Variants in ARHGAP11A observed in about 807,000 individuals in gnomAD.
The protein encoded by ARHGAP11A is Rho GTPase activating protein 11A.
In ARHGAP11A, 36 loss-of-function variants were observed where a neutral mutation model predicts 60.5. The observed-to-expected ratio is 0.59, with a 90% CI of 0.46 to 0.79. The LOEUF is 0.79. ARHGAP11A is among the 30% of genes least tolerant of loss of function. ARHGAP11A has a pLI of 0.00. For synonymous variants in ARHGAP11A, 362 were observed against 415.5 expected (o/e 0.87, Z 1.57); for missense variants, 1,071 against 1,199.2 (o/e 0.89, Z 1.58).
chr15:32,634,994 A>T (rs969257461), intron 10 of ARHGAP11A, among the ~76,000 whole-genome samples: 14 of 152,158 alleles, frequency 9.2e-5, no homozygotes, highest in African/African-American at 3.4e-4. Flanking sequence ...TCTGTAGTTG[A>T]AATTTATCTT....
At chr15:32,633,660 G>A (rs12908251) in intron 9 of ARHGAP11A, among the ~76,000 whole-genome samples, 40,902 of 151,614 alleles carry the variant, frequency 0.27, 5,909 homozygotes, top group Non-Finnish European at 0.35. Flanking sequence ...AAAAAACAAA[G>A]AAAAAAATTC....
intron 8 of ARHGAP11A, among the ~76,000 whole-genome samples, chr15:32,631,572 T>G (rs953659836): frequency 6.6e-6 from 1 of 152,220 alleles, no homozygotes; most frequent in Non-Finnish European, 1.5e-5. Context: ...AGTGCTGGGA[T>G]TACAGGTGTG....
At position 32,615,544 on chromosome 15, in the gene ARHGAP11A, G is replaced by C. The variant is rs1203198415; in HGVS notation, c.-668G>C. On this transcript the variant is annotated 5_prime_UTR_variant, in exon 1 of 12. Coordinates refer to ENST00000361627, the MANE Select transcript of ARHGAP11A (RefSeq NM_014783.6). ...GCTCTGGGTGTCTGCGGAGGAGCTG[G>C]GGGCGGAAGCATGAGGCTAACGGCT... is the stretch of plus-strand genomic sequence containing the variant. 1 of 152,890 alleles carries C rather than the reference G, an allele frequency of 6.5e-6. No homozygotes were observed. The highest frequency in any genetic ancestry group is 2.4e-5 in the African/African-American group (1 of 41,334). 9.5% of individuals were successfully genotyped at this position (152,890 alleles called of 1,614,324 possible).
intron 8 of ARHGAP11A, among the ~76,000 whole-genome samples, chr15:32,632,439 C>A (rs888269555): frequency 1.8e-4 from 27 of 152,344 alleles, no homozygotes; most frequent in African/African-American, 6.5e-4. Flanking sequence ...GAACAAATTA[C>A]ATTCCGGAGT....
At chr15:32,616,834 C>T (rs2053164469) in intron 1 of ARHGAP11A, among the ~76,000 whole-genome samples, 1 of 152,212 alleles carries the variant, frequency 6.6e-6, no homozygotes, top group African/African-American at 2.4e-5. Context: ...AGTGCATTTT[C>T]TACATGAATC....
In ARHGAP11A at chr15:32,637,722, T is replaced by C; in HGVS notation, c.2949T>C (p.Ser983=). Residue 983 remains serine (S), a synonymous_variant, in exon 12 of 12, where the codon TCT becomes TCC. Coordinates refer to ENST00000361627, the MANE Select transcript of ARHGAP11A (RefSeq NM_014783.6). The stretch of plus-strand genomic sequence containing the variant: ...TAAATAACAACATGGGCATTTCTTC[T>C]GGGATAAATAACAGGGTCCTTAGGA... The part of the protein sequence containing the change: ...PVVNNNMGIS[S]GINNRVLRRP... The C allele has an allele frequency of 6.2e-7, 1 of 1,614,200 alleles. No homozygotes were observed. Among genetic ancestry groups the C allele is most frequent in the Non-Finnish European group, 8.5e-7 (1 of 1,180,034 alleles).
chr15:32,629,237 TACTC>T (rs1275638091), intron 7 of ARHGAP11A, among the ~76,000 whole-genome samples: 3 of 145,578 alleles, frequency 2.1e-5, no homozygotes, highest in African/African-American at 5.1e-5. Context: ...AACTGGTTAA[TACTC>T]ACTTATGATG....
chr15:32,615,957 C>T lies in ARHGAP11A; in HGVS notation c.-255C>T. On this transcript the variant is annotated 5_prime_UTR_variant, in exon 1 of 12. Coordinates refer to ENST00000361627, the MANE Select transcript of ARHGAP11A (RefSeq NM_014783.6). ...AGCATTGGGTGACCAGAAAGAAGGT[C>T]GGTGTAAGTGAAGGAAGAGTGAGGT... 1.9e-6 allele frequency: 1 copy of T among 524,276 alleles called. No homozygotes were observed. Among genetic ancestry groups the T allele is most frequent in the Admixed American group, 3.5e-5 (1 of 28,576 alleles). The allele number at this position is 524,276 out of a possible 1,614,324, so 32.5% of individuals were successfully genotyped here. A position where few individuals can be genotyped will look rare whatever the true frequency, so the allele number is the denominator to read the frequency against.
At chr15:32,621,183 CTTTTTTTTTTTTT>C (rs60915388) in intron 2 of ARHGAP11A, among the ~76,000 whole-genome samples, 1 of 64,252 alleles carries the variant, frequency 1.6e-5, no homozygotes, top group African/African-American at 6.5e-5. Context: ...ACCTTTTATT[CTTTTTTTTTTTTT>C]TTTTTTTTTT....
chr15:32,620,342 C>T (rs1049302763), intron 2 of ARHGAP11A, among the ~76,000 whole-genome samples, 164 bp downstream of exon 2: 7 of 152,054 alleles, frequency 4.6e-5, no homozygotes, highest in East Asian at 1.9e-4. Flanking sequence ...ATTAGCTTGG[C>T]GGAGCACACT....
At chr15:32,624,829 G>A (rs1270118547) in intron 4 of ARHGAP11A, among the ~76,000 whole-genome samples, 2 of 151,086 alleles carry the variant, frequency 1.3e-5, no homozygotes, top group Non-Finnish European at 3.0e-5. Flanking sequence ...AGATAAAGAT[G>A]TTCAATTTGT....
At position 32,628,781 on chromosome 15, in the gene ARHGAP11A, A is replaced by C; in HGVS notation, c.916A>C (p.Thr306Pro). ...TAAACCTAACAGAACACCTTCTATT[A>C]CACCTCAAGAAGAAAGAATTGGTAG... ...KFKPNRTPSI[T>P]PQEERIAQLS... The change falls in exon 7 of 12, where the codon ACA becomes CCA. Residue 306 changes from threonine (T) to proline (P), a missense_variant. Thr to Pro is a conservative substitution (Grantham distance 38). Around this residue, in one of 4 missense-constraint regions of ARHGAP11A, gnomAD observed 196 missense variants for 272.1 expected, o/e 0.72. Transcript: ENST00000361627. 6.4e-7 allele frequency: 1 copy of C among 1,558,358 alleles called. No individual in the cohort carries two copies. The highest frequency in any genetic ancestry group is 8.6e-7 in the Non-Finnish European group (1 of 1,162,236).
rs558842188 is a variant in ARHGAP11A, at chr15:32,638,523, A to G, written c.*678A>G. ...TCTAAAATAAATAAATTTCTAGCAT[A>G]TAAAGGGTAGAGATAAACTCTGCAA... On this transcript the variant is annotated 3_prime_UTR_variant, in exon 12 of 12. Transcript: ENST00000361627. 14 of 152,356 alleles carry G rather than the reference A, an allele frequency of 9.2e-5. No homozygotes were observed. The South Asian group carries it at 2.5e-3, about 27-fold the overall frequency. 9.4% of individuals were successfully genotyped at this position (152,356 alleles called of 1,614,324 possible). A position where few individuals can be genotyped will look rare whatever the true frequency, so the allele number is the denominator to read the frequency against.
intron 7 of ARHGAP11A, among the ~76,000 whole-genome samples, chr15:32,629,021 C>T (rs980812317): frequency 4.6e-5 from 7 of 152,078 alleles, no homozygotes; most frequent in Non-Finnish European, 1.0e-4. Flanking sequence ...TTTTTTTAGT[C>T]TCCTGTCTTT....
intron 1 of ARHGAP11A, among the ~76,000 whole-genome samples, chr15:32,617,718 C>T (rs1233405120): frequency 2.0e-5 from 3 of 152,116 alleles, no homozygotes; most frequent in African/African-American, 4.8e-5. Flanking sequence ...GTGATCCGCC[C>T]GCCTCGGCCT....
Position 32,638,697 on chromosome 15 carries a change from G to A in ARHGAP11A, c.*852G>A, listed in dbSNP as rs567863881. On this transcript the variant is annotated 3_prime_UTR_variant, in exon 12 of 12. Transcript: ENST00000361627. ...CAGTAGGTGTACCTTGTGTTCACTC[G>A]AACTAAGAACAATGGTTAAGGCAGA... 2 of 152,460 alleles carry A rather than the reference G, an allele frequency of 1.3e-5. No individual in the cohort carries two copies. Among genetic ancestry groups the A allele is most frequent in the Non-Finnish European group, 1.5e-5 (1 of 68,004 alleles). 9.4% of individuals were successfully genotyped at this position (152,460 alleles called of 1,614,324 possible).
rs1168851603 is a variant in ARHGAP11A at position 32,617,471 on chromosome 15, CT to C, written c.129+1149del. On this transcript the variant is annotated intron_variant, in intron 1 of 11. Transcript: ENST00000361627. ...TTTTCACCCCTTTTCTTTTCTTTTCCTTTTTTTTTTTTTTTTTTGAGATGGA... is the reference window on the plus strand; with the variant it reads ...TTTTCACCCCTTTTCTTTTCTTTTCCTTTTTTTTTTTTTTTTTGAGATGGA... Among the ~76,000 whole-genome samples, 264 of 102,000 alleles carry C rather than the reference CT, an allele frequency of 2.6e-3. 5 individuals carry two copies. The highest frequency in any genetic ancestry group is 5.3e-3 in the African/African-American group (141 of 26,548). 66.9% of individuals were successfully genotyped at this position (102,000 alleles called of 152,430 possible). A position where few individuals can be genotyped will look rare whatever the true frequency, so the allele number is the denominator to read the frequency against.
rs549767790 is a variant in ARHGAP11A at position 32,627,445 on chromosome 15, C to T, written c.863-1283C>T. ...ATTGCATTGTTACTGTAAGAATCTT[C>T]TTGGCCGGGCGCGATGGCTCACGCC... On this transcript the variant is annotated intron_variant, in intron 6 of 11. Coordinates refer to ENST00000361627, the MANE Select transcript of ARHGAP11A (RefSeq NM_014783.6). Among the ~76,000 whole-genome samples the T allele has an allele frequency of 2.6e-5, 4 of 152,126 alleles. No individual in the cohort carries two copies. In the South Asian group the frequency reaches 8.3e-4, roughly 32 times the overall value.
intron 1 of ARHGAP11A, among the ~76,000 whole-genome samples, chr15:32,617,066 C>T (rs1292814285): frequency 6.6e-6 from 1 of 152,120 alleles, no homozygotes; most frequent in Non-Finnish European, 1.5e-5. Flanking sequence ...TTTAATAGCT[C>T]TGCCACATAA....
Sources: allele counts gnomAD v4.1 joint callset (sites outside exome capture counted in the v4.1 genomes callset), GRCh38; gene constraint gnomAD v4.1.1; regional missense constraint gnomAD v4.1.1; transcripts MANE v1.5; gene names NCBI Gene and HGNC (gene_info 2026-07-23, HGNC 2026-07-21).